The following RNF212B variants were observed in gnomAD, a reference collection of about 807,000 sequenced individuals.
The protein encoded by RNF212B is ring finger protein 212B.
RNF212B carries 52 observed loss-of-function variants against 55.5 expected under a neutral mutation model. That is an observed-to-expected ratio of 0.94 (90% confidence interval 0.75 to 1.18). The LOEUF (loss-of-function observed/expected upper bound fraction) is 1.18. Among genes scored for constraint, RNF212B ranks in the 50% most tolerant of loss-of-function variants. The pLI, the probability that RNF212B is intolerant of heterozygous loss-of-function variation, is 0.00. For missense variants in RNF212B, 289 were observed against 350.4 expected (o/e 0.82, Z 1.40); for synonymous variants, 99 against 121.4 (o/e 0.82, Z 1.21).
intron 2 of RNF212B, among the ~76,000 whole-genome samples, chr14:23,227,739 A>G (rs1882162799): frequency 6.6e-6 from 1 of 151,970 alleles, no homozygotes; most frequent in Non-Finnish European, 1.5e-5. Flanking sequence ...AGCTGGGACT[A>G]CAGGCATGCA....
intron 4 of RNF212B, among the ~76,000 whole-genome samples, chr14:23,257,987 G>A (rs919595502): frequency 2.0e-5 from 3 of 152,146 alleles, no homozygotes; most frequent in Admixed American, 6.5e-5. Flanking sequence ...CTTCTTGCAC[G>A]GGATGAAAAA....
chr14:23,223,821 A>G (rs1348778630), intron 2 of RNF212B, among the ~76,000 whole-genome samples: 5 of 152,214 alleles, frequency 3.3e-5, no homozygotes, highest in Non-Finnish European at 7.3e-5. Flanking sequence ...CAGTTGTCAT[A>G]ATTTTATATT....
intron 2 of RNF212B, among the ~76,000 whole-genome samples, chr14:23,209,121 C>T (rs1880222376): frequency 6.6e-6 from 1 of 152,124 alleles, no homozygotes; most frequent in South Asian, 2.1e-4. Context: ...TTATTCATGC[C>T]TCCCCTTTTT....
intron 2 of RNF212B, among the ~76,000 whole-genome samples, chr14:23,219,360 TAAC>T (rs1303614194): frequency 6.6e-6 from 1 of 151,440 alleles, no homozygotes; most frequent in Non-Finnish European, 1.5e-5. Flanking sequence ...TAATAAAAAA[TAAC>T]AACAACAGCT....
At chr14:23,200,304 C>T (rs186118869) in intron 2 of RNF212B, among the ~76,000 whole-genome samples, 1 of 151,742 alleles carries the variant, frequency 6.6e-6, no homozygotes, top group Admixed American at 6.6e-5. Context: ...CAAATACCTA[C>T]AAGTTGGGTG....
At chr14:23,269,822 C>A (rs571549626) in intron 12 of RNF212B, 41 bp from the exon 13 acceptor site, 1 of 1,125,546 alleles carries the variant, frequency 8.9e-7, no homozygotes, top group South Asian at 1.3e-5. Context: ...TTACCTTTAC[C>A]TGTCCTTTTC....
intron 2 of RNF212B, among the ~76,000 whole-genome samples, chr14:23,232,544 G>T (rs1882746242): frequency 6.6e-6 from 1 of 151,752 alleles, no homozygotes; most frequent in Non-Finnish European, 1.5e-5. Flanking sequence ...CCCTCTGGGA[G>T]GGAGGTGGGG....
chr14:23,224,425 T>C (rs1881833881), intron 2 of RNF212B, among the ~76,000 whole-genome samples: 1 of 152,092 alleles, frequency 6.6e-6, no homozygotes, highest in Admixed American at 6.6e-5. Context: ...TGGAACAAAC[T>C]AGAGAACCCA....
intron 2 of RNF212B, among the ~76,000 whole-genome samples, chr14:23,220,702 G>A (rs1423893270): frequency 6.6e-6 from 1 of 151,816 alleles, no homozygotes; most frequent in Non-Finnish European, 1.5e-5. Flanking sequence ...GCGGGCACCT[G>A]TAGTCCCAGC....
intron 12 of RNF212B, among the ~76,000 whole-genome samples, chr14:23,269,615 G>C (rs1239817778): frequency 6.6e-6 from 1 of 151,588 alleles, no homozygotes; most frequent in East Asian, 1.9e-4. Context: ...GGGAGACTAA[G>C]ACAGGAGGAT....
chr14:23,258,430 T>C (rs915700971), intron 4 of RNF212B, 119 bp from the exon 5 acceptor site: 23 of 443,830 alleles, frequency 5.2e-5, no homozygotes, highest in Non-Finnish European at 8.0e-5. Flanking sequence ...TTAGGCCAGA[T>C]GTTCTAGAAG....
In RNF212B at chr14:23,262,909, G is replaced by C. The variant is rs1226935074; in HGVS notation, c.482-19G>C. On this transcript the variant is annotated intron_variant, in intron 8 of 14. Transcript: ENST00000430154. ...ACCATTGATGGCAACTTTTTATTCT[G>C]TACTTTATTCTCTTTCAGTTACCCC... The C allele has an allele frequency of 1.9e-6, 3 of 1,550,294 alleles. No individual in the cohort carries two copies. The highest frequency in any genetic ancestry group is 2.6e-6 in the Non-Finnish European group (3 of 1,146,776).
chr14:23,236,523 A>T (rs1016338233), upstream of RNF212B, among the ~76,000 whole-genome samples: 50 of 149,666 alleles, frequency 3.3e-4, no homozygotes, highest in African/African-American at 1.2e-3. Context: ...TCAAAAAACA[A>T]CAACAACAAC....
chr14:23,267,637 T>C (rs536177437), intron 11 of RNF212B, among the ~76,000 whole-genome samples: 1 of 151,744 alleles, frequency 6.6e-6, no homozygotes, highest in East Asian at 2.0e-4. Flanking sequence ...CCATGTTGGC[T>C]AGGCTGGTCT....
rs770783465 is a variant in RNF212B, at chr14:23,262,989, A to AT, written c.524+21dup. ...TGGTCAGGTAAACCTACACAGCAAC[A>AT]TTAAAACTGTTGGCAAAAGTTGGAA... On this transcript the variant is annotated intron_variant, in intron 9 of 14. Transcript: ENST00000430154. 1 of 1,548,654 alleles carries AT rather than the reference A, an allele frequency of 6.5e-7. No individual in the cohort carries two copies. The highest frequency in any genetic ancestry group is 1.2e-5 in the South Asian group (1 of 84,028).
rs201394410 is a variant in RNF212B, at chr14:23,203,241, G to GT, written c.-2+9844dup. Among the ~76,000 whole-genome samples, 1,469 of 151,850 alleles carry GT rather than the reference G, an allele frequency of 9.7e-3. 18 individuals are homozygous for GT. The highest frequency in any genetic ancestry group is 0.033 in the African/African-American group (1,387 of 41,422). Reference sequence around the variant, plus strand: ...GATCAGTGAGAACATATGATGTTTGGTTTTCCATTCCTGGGCTACTTCACT... The same window carrying GT: ...GATCAGTGAGAACATATGATGTTTGGTTTTTCCATTCCTGGGCTACTTCACT... On this transcript the variant is annotated intron_variant, in intron 2 of 15. Coordinates refer to the RNF212B transcript ENST00000399910.
chr14:23,232,720 C>T (rs1209175461), intron 2 of RNF212B, among the ~76,000 whole-genome samples: 1 of 150,626 alleles, frequency 6.6e-6, no homozygotes, highest in Non-Finnish European at 1.5e-5. Context: ...GCCAGCCGCC[C>T]CGTCCGGGAG....
chr14:23,195,324 C>T (rs771072776), intron 2 of RNF212B, among the ~76,000 whole-genome samples: 1 of 151,292 alleles, frequency 6.6e-6, no homozygotes, highest in Non-Finnish European at 1.5e-5. Context: ...AATGTAAAGT[C>T]TCACAGATTT....
rs1883254278 is a variant in RNF212B at position 23,238,050 on chromosome 14, A to T, written c.-7A>T. On this transcript the variant is annotated 5_prime_UTR_variant, in exon 1 of 15. Coordinates refer to ENST00000430154, the MANE Select transcript of RNF212B (RefSeq NM_001282322.3). ...GAGGCTTTCTGGAATCACAGCGGCC[A>T]AGCGGGTAGGGAGTGTAGCCAGAAA... Among the ~76,000 whole-genome samples, 1 of 152,226 alleles carries T rather than the reference A, an allele frequency of 6.6e-6. No homozygotes were observed. Among genetic ancestry groups the T allele is most frequent in the South Asian group, 2.1e-4 (1 of 4,834 alleles).
Sources: allele counts gnomAD v4.1 joint callset (sites outside exome capture counted in the v4.1 genomes callset), GRCh38; gene constraint gnomAD v4.1.1; transcripts MANE v1.5; gene names NCBI Gene and HGNC (gene_info 2026-07-23, HGNC 2026-07-21).